CPS1: variants seen among roughly 807,000 people sequenced by gnomAD.
The protein encoded by CPS1 is carbamoyl-phosphate synthase [ammonia], mitochondrial.
A neutral mutation model predicts 174.6 loss-of-function variants in CPS1; 109 were observed. The observed-to-expected ratio is 0.62, with a 90% CI of 0.53 to 0.73. The LOEUF (loss-of-function observed/expected upper bound fraction) is 0.73, where lower values mean the gene tolerates loss of function less well. CPS1 is among the 30% of genes least tolerant of loss of function. CPS1 has a pLI of 0.00. For missense variants in CPS1, 1,689 were observed against 1,821.9 expected, an observed-to-expected ratio of 0.93 and a Z score of 1.33; for synonymous variants, 637 against 632.0, an observed-to-expected ratio of 1.01 and a Z score of -0.12.
intron 1 of CPS1, among the ~76,000 whole-genome samples, chr2:210,479,213 C>T (rs935446550): frequency 2.0e-5 from 3 of 151,992 alleles, no homozygotes; most frequent in Admixed American, 2.0e-4. Context: ...TTGTAGATGC[C>T]GTCTTCTCCT....
intron 1 of CPS1, among the ~76,000 whole-genome samples, chr2:210,485,384 T>A (rs1035314948): frequency 1.3e-5 from 2 of 152,144 alleles, no homozygotes; most frequent in Non-Finnish European, 2.9e-5. Context: ...TCATTATTTC[T>A]CACCCCCAGA....
Position 210,608,342 on chromosome 2 carries a change from A to AT in CPS1, c.2193-16dup. The stretch of plus-strand genomic sequence containing the variant: ...TAATTGCTCGAAGAAAAAAAAATAA[A>AT]TTTGTCTTCTTTTTATAGCTACCCA... On this transcript the variant is annotated intron_variant, in intron 18 of 37. Transcript: ENST00000233072. 2 of 1,609,228 alleles carry AT rather than the reference A, an allele frequency of 1.2e-6. No individual in the cohort carries two copies. The highest frequency in any genetic ancestry group is 1.7e-6 in the Non-Finnish European group (2 of 1,176,632).
intron 1 of CPS1, among the ~76,000 whole-genome samples, chr2:210,495,460 A>C (rs765041104): frequency 6.6e-6 from 1 of 152,220 alleles, no homozygotes; most frequent in Non-Finnish European, 1.5e-5. Context: ...TGTCTAAATT[A>C]ATGCAAAAAA....
intron 1 of CPS1, among the ~76,000 whole-genome samples, chr2:210,533,381 A>G (rs995188460): frequency 6.6e-6 from 1 of 152,188 alleles, no homozygotes; most frequent in East Asian, 1.9e-4. Context: ...CACTCTGCCT[A>G]GAAATCACCC....
At chr2:210,653,183 A>G (rs528050235) in intron 28 of CPS1, among the ~76,000 whole-genome samples, 1 of 152,286 alleles carries the variant, frequency 6.6e-6, no homozygotes, top group Non-Finnish European at 1.5e-5. Context: ...GAAGAGACAC[A>G]TGGAAGCAAG....
chr2:210,592,078 G>A (rs902128059), intron 10 of CPS1, 109 bp downstream of exon 10: 1 of 1,224,662 alleles, frequency 8.2e-7, no homozygotes. Context: ...GTGATATTTT[G>A]ATACATGCAT....
intron 1 of CPS1, among the ~76,000 whole-genome samples, chr2:210,542,118 C>A (rs1448423232): frequency 6.6e-6 from 1 of 152,108 alleles, no homozygotes; most frequent in African/African-American, 2.4e-5. Context: ...CCATTATAAT[C>A]ATTCCTTTCA....
intron 12 of CPS1, among the ~76,000 whole-genome samples, chr2:210,595,064 C>T (rs1239779203): frequency 6.6e-6 from 1 of 151,650 alleles, no homozygotes; most frequent in East Asian, 1.9e-4. Context: ...CACTTAAATC[C>T]TTAATTTGAA....
At chr2:210,668,403 G>T in intron 34 of CPS1, 119 bp downstream of exon 34, 1 of 779,930 alleles carries the variant, frequency 1.3e-6, no homozygotes, top group South Asian at 1.4e-5. Context: ...TCCGTTTATG[G>T]CAACTTCCAG....
intron 19 of CPS1, 133 bp downstream of exon 19, chr2:210,608,692 T>C: frequency 1.2e-6 from 1 of 832,902 alleles, no homozygotes; most frequent in Non-Finnish European, 2.0e-6. Flanking sequence ...ATTGACAGTG[T>C]TAAAGTTGCC....
At chr2:210,656,677 G>GA (rs1296415458) in intron 30 of CPS1, 45 bp downstream of exon 30, 12 of 1,192,122 alleles carry the variant, frequency 1.0e-5, no homozygotes, top group African/African-American at 3.3e-5. Context: ...GCAACACTCA[G>GA]AAAAAAACAC....
At chr2:210,670,895 A>C (rs1443762116) in intron 34 of CPS1, among the ~76,000 whole-genome samples, 4 of 152,206 alleles carry the variant, frequency 2.6e-5, no homozygotes, top group Non-Finnish European at 5.9e-5. Context: ...ACTTAGGATA[A>C]AAGAATCAAG....
intron 1 of CPS1, among the ~76,000 whole-genome samples, chr2:210,542,657 T>C (rs1696463975): frequency 6.6e-6 from 1 of 151,988 alleles, no homozygotes; most frequent in Non-Finnish European, 1.5e-5. Flanking sequence ...CAAATTTTTC[T>C]CTCTTTTTCA....
chr2:210,613,329 C>T (rs1045941785), intron 20 of CPS1, among the ~76,000 whole-genome samples: 2 of 151,886 alleles, frequency 1.3e-5, no homozygotes, highest in Non-Finnish European at 2.9e-5. Flanking sequence ...TCTCCTCGCT[C>T]TTATGGTTTC....
At chr2:210,655,213 A>G (rs537894161) in intron 29 of CPS1, among the ~76,000 whole-genome samples, 1 of 152,318 alleles carries the variant, frequency 6.6e-6, no homozygotes, top group African/African-American at 2.4e-5. Context: ...GAAGGTTGAG[A>G]TATAAAATAA....
intron 21 of CPS1, among the ~76,000 whole-genome samples, chr2:210,622,942 T>C (rs535186238): frequency 6.6e-6 from 1 of 152,242 alleles, no homozygotes; most frequent in Non-Finnish European, 1.5e-5. Flanking sequence ...TTGGAGATTT[T>C]ATTATACCTG....
intron 30 of CPS1, chr2:210,658,234 T>C: frequency 3.3e-6 from 1 of 304,522 alleles, no homozygotes; most frequent in South Asian, 3.1e-5. Flanking sequence ...AGCAGGTAGG[T>C]CATTACATTG....
intron 1 of CPS1, among the ~76,000 whole-genome samples, chr2:210,563,111 A>G (rs1273292021): frequency 6.6e-6 from 1 of 152,150 alleles, no homozygotes; most frequent in Non-Finnish European, 1.5e-5. Flanking sequence ...CAAACAACAG[A>G]TGGATCTTTT....
At chr2:210,581,652 A>G (rs1032695698) in intron 5 of CPS1, among the ~76,000 whole-genome samples, 21 of 152,172 alleles carry the variant, frequency 1.4e-4, no homozygotes, top group Admixed American at 3.9e-4. Context: ...ATGGAAGTGA[A>G]AGGTGGTTTT....
Sources: allele counts gnomAD v4.1 joint callset (sites outside exome capture counted in the v4.1 genomes callset), GRCh38; gene constraint gnomAD v4.1.1; transcripts MANE v1.5; gene names NCBI Gene and HGNC (gene_info 2026-07-23, HGNC 2026-07-21).